ZNF721: variants seen among roughly 807,000 people sequenced by gnomAD.
The protein encoded by ZNF721 is zinc finger protein 721.
ZNF721 carries 2 observed loss-of-function variants against 2.4 expected under a neutral mutation model. That is an observed-to-expected ratio of 0.82 (90% confidence interval 0.34 to 2.58). ZNF721 has a LOEUF of 2.58. ZNF721 is among the 30% of genes most tolerant of loss of function. The pLI, the probability that ZNF721 is intolerant of heterozygous loss-of-function variation, is 0.11. For synonymous variants in ZNF721, 398 were observed against 381.8 expected (o/e 1.04, Z -0.50); for missense variants, 1,187 against 1,085.5 (o/e 1.09, Z -1.31).
chr4:489,684 C>G (rs1715976544), intron 1 of ZNF721, among the ~76,000 whole-genome samples: 2 of 152,202 alleles, frequency 1.3e-5, no homozygotes, highest in African/African-American at 2.4e-5. Flanking sequence ...CATGGCTGCA[C>G]TCAATGTGGC....
At chr4:483,376 C>T (rs1467146169) in intron 1 of ZNF721, among the ~76,000 whole-genome samples, 5 of 151,832 alleles carry the variant, frequency 3.3e-5, no homozygotes, top group Admixed American at 6.6e-5. Flanking sequence ...GGTGAAACCC[C>T]GTCTCTACTA....
Position 468,136 on chromosome 4 carries a change from G to A in ZNF721, c.34+4439C>T, listed in dbSNP as rs570154338. Reference sequence around the variant, plus strand: ...CAAAAAATTAGCCTGGCACGGTGACGGGCGCCTTTAGTCCCAGCTACTTGG... The same window carrying A: ...CAAAAAATTAGCCTGGCACGGTGACAGGCGCCTTTAGTCCCAGCTACTTGG... On this transcript the variant is annotated intron_variant, in intron 2 of 2. Coordinates refer to ENST00000511833, the MANE Select transcript of ZNF721 (RefSeq NM_133474.4). Among the ~76,000 whole-genome samples, 40 of 152,190 alleles carry A rather than the reference G, an allele frequency of 2.6e-4. No individual in the cohort carries two copies. The East Asian group carries it at 6.6e-3, about 25-fold the overall frequency.
chr4:468,408 C>T (rs1325439003), intron 2 of ZNF721, among the ~76,000 whole-genome samples: 5 of 150,892 alleles, frequency 3.3e-5, no homozygotes, highest in Non-Finnish European at 5.9e-5. Flanking sequence ...CCAGCCTGGG[C>T]GACAGAACCA....
At chr4:477,230 A>G (rs1424970111) in intron 1 of ZNF721, among the ~76,000 whole-genome samples, 1 of 151,366 alleles carries the variant, frequency 6.6e-6, no homozygotes, top group African/African-American at 2.4e-5. Flanking sequence ...ACAAAGAGCA[A>G]GAGAATGAGA....
intron 2 of ZNF721, among the ~76,000 whole-genome samples, chr4:471,869 G>A (rs182797280): frequency 6.6e-6 from 1 of 151,762 alleles, no homozygotes; most frequent in Non-Finnish European, 1.5e-5. Flanking sequence ...TCATTACATT[G>A]TACACATTAA....
rs114019487 is a variant in ZNF721 at position 474,145 on chromosome 4, G to A, written c.-93-1444C>T. The stretch of plus-strand genomic sequence containing the variant: ...AACCGAGCTCAGGCTGAAGCAACAG[G>A]CCAAGGCCGCCGAAGATCCCGGATG... On this transcript the variant is annotated intron_variant, in intron 1 of 2. Coordinates refer to ENST00000511833, the MANE Select transcript of ZNF721 (RefSeq NM_133474.4). The A allele has an allele frequency of 4.6e-4, 363 of 789,200 alleles. 2 individuals are homozygous for A. The African/African-American group carries it at 5.8e-3, about 13-fold the overall frequency. The allele number at this position is 789,200 out of a possible 1,614,324, so 48.9% of individuals were successfully genotyped here.
Position 442,162 on chromosome 4 carries a change from T to G in ZNF721, c.2305A>C (p.Asn769His), listed in dbSNP as rs781866787. 4 of 1,613,054 alleles carry G rather than the reference T, an allele frequency of 2.5e-6. No individual in the cohort carries two copies. The East Asian group carries it at 8.9e-5, about 36-fold the overall frequency. Reference protein sequence around the residue: ...GKVFKQSSHLNRHEKIHTGKK... With the variant: ...GKVFKQSSHLHRHEKIHTGKK... ...CCAGTATGAATTTTCTCATGTCTAT[T>G]CAGGTGTGAGGACTGTTTAAACACT... Residue 769 changes from asparagine to histidine, a missense_variant, in exon 3 of 3, where the codon AAT becomes CAT. Physicochemically the swap from Asn to His is moderately conservative, Grantham distance 68. Coordinates refer to ENST00000511833, the MANE Select transcript of ZNF721 (RefSeq NM_133474.4).
chr4:493,890 G>T (rs943922311), intron 1 of ZNF721, among the ~76,000 whole-genome samples: 1 of 152,104 alleles, frequency 6.6e-6, no homozygotes, highest in Non-Finnish European at 1.5e-5. Flanking sequence ...TTATAAAATT[G>T]CTTGATTAAT....
chr4:492,250 A>C (rs555745060), intron 1 of ZNF721, among the ~76,000 whole-genome samples: 1 of 152,162 alleles, frequency 6.6e-6, no homozygotes, highest in Non-Finnish European at 1.5e-5. Context: ...AACTGAATAG[A>C]AATTATTTCA....
chr4:484,680 A>G (rs550030595), intron 1 of ZNF721, among the ~76,000 whole-genome samples: 6 of 152,286 alleles, frequency 3.9e-5, no homozygotes, highest in South Asian at 4.1e-4. Flanking sequence ...TTCCCACCTA[A>G]TAAATTTTGG....
At chr4:474,222 GC>G in intron 1 of ZNF721, 1 of 387,498 alleles carries the variant, frequency 2.6e-6, no homozygotes, top group Non-Finnish European at 5.0e-6. Context: ...TCAGTCAAGC[GC>G]TCTGATTGGA....
At chr4:468,607 A>G (rs1474627409) in intron 2 of ZNF721, among the ~76,000 whole-genome samples, 6 of 152,106 alleles carry the variant, frequency 3.9e-5, no homozygotes, top group Admixed American at 1.3e-4. Context: ...AGAATCTGTG[A>G]CTGTCTAAAT....
At chr4:472,751 T>C in intron 1 of ZNF721, 50 bp from the exon 2 acceptor site, 1 of 1,604,142 alleles carries the variant, frequency 6.2e-7, no homozygotes. Flanking sequence ...TGACTACAGG[T>C]GAAATGTGTT....
chr4:489,700 C>T (rs1553871203), intron 1 of ZNF721, among the ~76,000 whole-genome samples: 1 of 152,154 alleles, frequency 6.6e-6, no homozygotes, highest in Non-Finnish European at 1.5e-5. Context: ...GTGGCAGCCA[C>T]CTGACATGTG....
intron 1 of ZNF721, among the ~76,000 whole-genome samples, chr4:493,205 T>C (rs1211182610): frequency 1.3e-5 from 2 of 151,406 alleles, no homozygotes; most frequent in African/African-American, 4.9e-5. Context: ...GCCTAACAGA[T>C]TCCATTTTCC....
chr4:455,198 T>C (rs181233834), intron 2 of ZNF721, among the ~76,000 whole-genome samples: 1 of 152,290 alleles, frequency 6.6e-6, no homozygotes, highest in East Asian at 1.9e-4. Context: ...GGGATAAAGG[T>C]TGTTTACCCT....
intron 2 of ZNF721, among the ~76,000 whole-genome samples, chr4:454,447 T>C (rs797032806): frequency 6.6e-6 from 1 of 152,220 alleles, no homozygotes; most frequent in Non-Finnish European, 1.5e-5. Context: ...GTTGCAAAAC[T>C]GAATGGCATT....
rs536261104 is a variant in ZNF721, at chr4:444,097, G to A, written c.370C>T (p.Leu124=). ...CGKSFQKFSD[L]TQHKGIHAGE... is the part of the protein sequence containing the mutation. ...GCATGAATTCCTTTATGTTGAGTTA[G>A]GTCTGAGAACTTCTGAAATGACTTG... is the stretch of plus-strand genomic sequence containing the variant. The change falls in exon 3 of 3, where the codon CTA becomes TTA. Residue 124 remains leucine (L), a synonymous_variant. Transcript: ENST00000511833. 2 of 1,614,086 alleles carry A rather than the reference G, an allele frequency of 1.2e-6. No homozygotes were observed. The highest frequency in any genetic ancestry group is 3.3e-4 in the Middle Eastern group (2 of 6,062).
intron 1 of ZNF721, among the ~76,000 whole-genome samples, chr4:492,328 A>T (rs1204931434): frequency 6.6e-6 from 1 of 152,188 alleles, no homozygotes; most frequent in African/African-American, 2.4e-5. Context: ...CAGTGCACAG[A>T]ATATTATGTT....
Sources: gnomAD v4.1 joint callset for allele counts (sites outside exome capture counted in the v4.1 genomes callset) on GRCh38, gnomAD v4.1.1 for gene constraint, MANE v1.5 for transcripts, NCBI Gene and HGNC (gene_info 2026-07-23, HGNC 2026-07-21) for gene names.